IL34: variants seen among roughly 807,000 people sequenced by gnomAD.
The protein encoded by IL34 is interleukin-34.
Under a neutral mutation model 25.3 loss-of-function variants are expected in IL34, and 17 were observed. That is an observed-to-expected ratio of 0.67 (90% confidence interval 0.46 to 1.01). The LOEUF is 1.01. IL34 is among the 50% of genes least tolerant of loss of function. IL34 has a pLI of 0.00. For missense variants in IL34, 368 were observed against 312.9 expected, an observed-to-expected ratio of 1.18 and a Z score of -1.33; for synonymous variants, 174 against 140.9, an observed-to-expected ratio of 1.23 and a Z score of -1.66.
intron 1 of IL34, among the ~76,000 whole-genome samples, chr16:70,648,132 G>A (rs780464309): frequency 6.6e-6 from 1 of 152,204 alleles, no homozygotes; most frequent in Admixed American, 6.5e-5. Context: ...TTGAGAGCCC[G>A]GCGGGGGTGG....
intron 1 of IL34, among the ~76,000 whole-genome samples, chr16:70,601,729 CCTG>C (rs1164509369): frequency 1.3e-5 from 2 of 152,200 alleles, no homozygotes. Context: ...GAAGCCAGCT[CCTG>C]CTGGGTTTCC....
intron 1 of IL34, among the ~76,000 whole-genome samples, chr16:70,648,787 A>G (rs147288949): frequency 1.2e-4 from 19 of 152,110 alleles, no homozygotes; most frequent in Non-Finnish European, 2.2e-4. Context: ...AGCAACAGGA[A>G]TGTGTCGTCT....
intron 1 of IL34, among the ~76,000 whole-genome samples, chr16:70,591,158 T>C (rs1185664047): frequency 6.6e-6 from 1 of 152,232 alleles, no homozygotes; most frequent in Non-Finnish European, 1.5e-5. Flanking sequence ...GGCCTCTAAG[T>C]CTGTCCCATA....
chr16:70,581,309 C>T (rs1056531120), intron 1 of IL34, among the ~76,000 whole-genome samples: 2 of 152,230 alleles, frequency 1.3e-5, no homozygotes, highest in African/African-American at 2.4e-5. Flanking sequence ...CATCCCTGGA[C>T]GGGCAGCCTC....
intron 1 of IL34, among the ~76,000 whole-genome samples, chr16:70,624,921 GGAAA>G (rs1597755244): frequency 6.6e-6 from 1 of 151,854 alleles, no homozygotes; most frequent in Non-Finnish European, 1.5e-5. Context: ...CAGGCGGGAG[GGAAA>G]GAAGGAAGAT....
chr16:70,646,506 T>C (rs1361709364), upstream of IL34: 5 of 175,160 alleles, frequency 2.9e-5, no homozygotes, highest in Non-Finnish European at 6.0e-5. Context: ...GTGGCAGCGC[T>C]GCTCTTACAT....
chr16:70,646,736 G>C lies in IL34; in HGVS notation c.-212G>C, dbSNP rs540428536. Reference sequence around the variant, plus strand: ...ATGGGACTTGCGGCCACCGCCCCCCGGCTGTCCTCCACGCTGCCGGGCAGA... The same window carrying C: ...ATGGGACTTGCGGCCACCGCCCCCCCGCTGTCCTCCACGCTGCCGGGCAGA... On this transcript the variant is annotated 5_prime_UTR_variant, in exon 1 of 6. Transcript: ENST00000288098. 6.1e-6 allele frequency: 3 copies of C among 494,402 alleles called. No individual in the cohort carries two copies. The South Asian group carries it at 1.0e-4, about 17-fold the overall frequency. The allele number at this position is 494,402 out of a possible 1,614,324, so 30.6% of individuals were successfully genotyped here.
At chr16:70,613,134 C>T (rs1372016666) in intron 1 of IL34, among the ~76,000 whole-genome samples, 5 of 152,074 alleles carry the variant, frequency 3.3e-5, no homozygotes, top group Non-Finnish European at 4.4e-5. Flanking sequence ...CAGGGCCGGT[C>T]GAAGGGGTGT....
chr16:70,602,882 C>G (rs1337095606), intron 1 of IL34, among the ~76,000 whole-genome samples: 1 of 152,010 alleles, frequency 6.6e-6, no homozygotes, highest in African/African-American at 2.4e-5. Flanking sequence ...TGTAGTTATT[C>G]TATTCCAGCG....
At chr16:70,625,221 G>A (rs542169975) in intron 1 of IL34, among the ~76,000 whole-genome samples, 1 of 151,794 alleles carries the variant, frequency 6.6e-6, no homozygotes, top group East Asian at 1.9e-4. Flanking sequence ...GGAGAAGGAG[G>A]AATGGATGGT....
At position 70,587,525 on chromosome 16, in the gene IL34, C is replaced by T. The variant is rs565724285; in HGVS notation, c.-401+7476C>T. 6.1e-4 allele frequency among the ~76,000 whole-genome samples: 93 copies of T among 152,074 alleles called. 2 individuals carry two copies. In the South Asian group the frequency reaches 6.2e-3, roughly 10 times the overall value. Reference sequence around the variant, plus strand: ...TGACCTCATGATCCGCCCGCCTCGGCGTCCCAAAGGGCTGGGATTACAGGT... The same window carrying T: ...TGACCTCATGATCCGCCCGCCTCGGTGTCCCAAAGGGCTGGGATTACAGGT... On this transcript the variant is annotated intron_variant, in intron 1 of 6. Coordinates refer to the IL34 transcript ENST00000429149.
intron 4 of IL34, among the ~76,000 whole-genome samples, chr16:70,658,058 C>G (rs567089243): frequency 6.6e-6 from 1 of 152,192 alleles, no homozygotes; most frequent in African/African-American, 2.4e-5. Context: ...GACCTCTCCC[C>G]GTCTCCACCA....
rs1482660818 is a variant in IL34 at position 70,656,617 on chromosome 16, A to G, written c.178A>G (p.Ile60Val). 3.6e-6 allele frequency: 5 copies of G among 1,393,720 alleles called. No homozygotes were observed. The highest frequency in any genetic ancestry group is 1.7e-5 in the Admixed American group (1 of 59,756). The allele number at this position is 1,393,720 out of a possible 1,614,324, so 86.3% of individuals were successfully genotyped here. Residue 60 changes from isoleucine to valine, a missense_variant, in exon 3 of 6, where the codon ATC (isoleucine) becomes GTC (valine). Physicochemically the swap from Ile to Val is conservative, Grantham distance 29. Coordinates refer to ENST00000288098, the MANE Select transcript of IL34 (RefSeq NM_001393494.1). The part of the protein sequence containing the change: ...RLQYMKHYFP[I>V]NYKISVPYEG... ...GCCTCTCCAGAAACACTACTTCCCCATCAACTACAAGATCAGTGTGCCTTA... is the reference window on the plus strand; with the variant it reads ...GCCTCTCCAGAAACACTACTTCCCCGTCAACTACAAGATCAGTGTGCCTTA...
intron 1 of IL34, among the ~76,000 whole-genome samples, chr16:70,585,635 A>G (rs1309362605): frequency 6.6e-6 from 1 of 151,284 alleles, no homozygotes; most frequent in Non-Finnish European, 1.5e-5. Context: ...CAGTGAGCTG[A>G]GATTGTGCCA....
rs1258796680 is a variant in IL34 at position 70,659,743 on chromosome 16, C to T, written c.528C>T (p.Tyr176=). 6.2e-7 allele frequency: 1 copy of T among 1,600,800 alleles called. No homozygotes were observed. Among genetic ancestry groups the T allele is most frequent in the African/African-American group, 1.3e-5 (1 of 74,826 alleles). ...DNCFRVMELL[Y]CSCCKQSSVL... is the part of the protein sequence containing the mutation. ...GCTTCCGGGTCATGGAGCTGCTGTA[C>T]TGCTCCTGCTGTAAGGAGCTCTCAG... Residue 176 remains tyrosine, a synonymous_variant, in exon 5 of 6, where the codon TAC becomes TAT. Coordinates refer to ENST00000288098, the MANE Select transcript of IL34 (RefSeq NM_001393494.1).
intron 1 of IL34, among the ~76,000 whole-genome samples, chr16:70,602,572 C>G (rs959127941): frequency 2.2e-5 from 3 of 136,048 alleles, no homozygotes; most frequent in African/African-American, 9.0e-5. Context: ...GAATTCCTAG[C>G]TTTGGAATTG....
chr16:70,614,628 G>T (rs1422696611), intron 1 of IL34, among the ~76,000 whole-genome samples: 7 of 152,308 alleles, frequency 4.6e-5, no homozygotes. Flanking sequence ...TCATGATGTT[G>T]TTTGTCCTTA....
intron 1 of IL34, among the ~76,000 whole-genome samples, chr16:70,619,557 C>A (rs1597751032): frequency 1.3e-5 from 2 of 151,822 alleles, no homozygotes; most frequent in Admixed American, 6.6e-5. Context: ...ATACCCACAA[C>A]AGTTATGGAG....
intron 1 of IL34, among the ~76,000 whole-genome samples, chr16:70,617,495 C>T: frequency 6.6e-6 from 1 of 152,214 alleles, no homozygotes; most frequent in East Asian, 1.9e-4. Flanking sequence ...TTTTTTGGGG[C>T]ACAGTCTAAG....
Sources: gnomAD v4.1 joint callset for allele counts (sites outside exome capture counted in the v4.1 genomes callset) on GRCh38, gnomAD v4.1.1 for gene constraint, MANE v1.5 for transcripts, NCBI Gene and HGNC (gene_info 2026-07-23, HGNC 2026-07-21) for gene names.